C3orf49: variants seen among roughly 807,000 people sequenced by gnomAD.
The protein encoded by C3orf49 is putative uncharacterized protein C3orf49.
In C3orf49, 27 loss-of-function variants were observed where a neutral mutation model predicts 13.3. The ratio of observed to expected loss-of-function variants is 2.02; its 90% CI spans 1.49 to 2.79. The LOEUF (loss-of-function observed/expected upper bound fraction) is 2.79, where lower values mean the gene tolerates loss of function less well. Ranked by LOEUF, C3orf49 falls within the 30% of genes most tolerant of loss-of-function variation. The pLI, the probability that C3orf49 is intolerant of heterozygous loss-of-function variation, is 0.00. For missense variants in C3orf49, 242 were observed against 134.2 expected (o/e 1.80, Z -3.97); for synonymous variants, 87 against 47.6 (o/e 1.83, Z -3.40).
the C3orf49 span, among the ~76,000 whole-genome samples, chr3:63,792,844 C>A: frequency 3.3e-5 from 5 of 152,172 alleles, no homozygotes; most frequent in African/African-American, 1.2e-4. Context: ...GGTAATCTCA[C>A]CTTTTTAATA....
At chr3:63,846,269 A>G in intron 6 of C3orf49, 1 of 440,546 alleles carries the variant, frequency 2.3e-6, no homozygotes, top group South Asian at 1.6e-5. Flanking sequence ...CTGAAAAATC[A>G]GGAGATAATC....
the C3orf49 span, chr3:63,787,099 A>C: frequency 1.3e-5 from 2 of 152,236 alleles, no homozygotes; most frequent in African/African-American, 2.4e-5. Flanking sequence ...TTTTGGAGAA[A>C]TGAGTGACCT....
chr3:63,785,817 A>G, the C3orf49 span, among the ~76,000 whole-genome samples: 1 of 152,130 alleles, frequency 6.6e-6, no homozygotes, highest in African/African-American at 2.4e-5. Flanking sequence ...CCACCATGCA[A>G]CTATCTGTTA....
At chr3:63,810,390 A>T in the C3orf49 span, among the ~76,000 whole-genome samples, 1 of 152,188 alleles carries the variant, frequency 6.6e-6, no homozygotes, top group Admixed American at 6.5e-5. Context: ...TATGCTCAGT[A>T]CTAAGAACAG....
chr3:63,786,982 C>G, the C3orf49 span: 2 of 152,184 alleles, frequency 1.3e-5, no homozygotes, highest in Non-Finnish European at 2.9e-5. Context: ...GAATTAATAT[C>G]AAGAGTTCAT....
At chr3:63,823,835 CTA>C in intron 2 of C3orf49, among the ~76,000 whole-genome samples, 1 of 151,392 alleles carries the variant, frequency 6.6e-6, no homozygotes, top group East Asian at 2.0e-4. Flanking sequence ...GAATCTCGCT[CTA>C]TCACCCAGGC....
the C3orf49 span, among the ~76,000 whole-genome samples, chr3:63,795,640 A>G: frequency 6.6e-6 from 1 of 152,134 alleles, no homozygotes; most frequent in African/African-American, 2.4e-5. Context: ...ATTTGGTTCC[A>G]GGCTGTAAAC....
chr3:63,784,344 T>C, the C3orf49 span, among the ~76,000 whole-genome samples: 22 of 152,178 alleles, frequency 1.4e-4, no homozygotes, highest in Admixed American at 1.4e-3. Context: ...TTCCATGAGA[T>C]ACACCAGGCC....
At position 63,823,531 on chromosome 3, in the gene C3orf49, A is replaced by C. The variant is rs1701426172; in HGVS notation, c.407A>C (p.Lys136Thr). The change falls in exon 2 of 7, where the codon AAG becomes ACG. Residue 136 changes from lysine (K) to threonine (T), a missense_variant. Physicochemically the swap from Lys to Thr is moderately conservative, Grantham distance 78. Transcript: ENST00000295896. ...ATTGTCAAGGAGTTTTCATCTCCCA[A>C]GTTATTTACAGCAAAAATGAGAAAG... ...PRIVKEFSSP[K>T]LFTAKMRKLS... The C allele has an allele frequency of 1.4e-6, 1 of 700,310 alleles. No individual in the cohort carries two copies. Among genetic ancestry groups the C allele is most frequent in the South Asian group, 1.5e-5 (1 of 67,010 alleles). The allele number at this position is 700,310 out of a possible 1,614,324, so 43.4% of individuals were successfully genotyped here. A position where few individuals can be genotyped will look rare whatever the true frequency, so the allele number is the denominator to read the frequency against.
chr3:63,788,593 TG>T, the C3orf49 span, among the ~76,000 whole-genome samples: 1 of 151,934 alleles, frequency 6.6e-6, no homozygotes, highest in African/African-American at 2.4e-5. Context: ...CCTGAGAACT[TG>T]CAACATTGGA....
intron 5 of C3orf49, among the ~76,000 whole-genome samples, chr3:63,843,359 C>A (rs572873511): frequency 6.6e-6 from 1 of 151,632 alleles, no homozygotes; most frequent in South Asian, 2.1e-4. Context: ...CTCAAATGAT[C>A]CGCCTACCTC....
intron 2 of C3orf49, 174 bp from the exon 3 acceptor site, chr3:63,827,427 G>A: frequency 3.8e-6 from 2 of 532,656 alleles, no homozygotes; most frequent in Non-Finnish European, 3.3e-6. Context: ...AATGCGTGCA[G>A]GAGAAAGTGT....
intron 5 of C3orf49, among the ~76,000 whole-genome samples, chr3:63,834,831 C>A (rs1234864136): frequency 6.6e-6 from 1 of 152,042 alleles, no homozygotes; most frequent in Non-Finnish European, 1.5e-5. Flanking sequence ...GTACTGATTT[C>A]TTATTATTGC....
rs1701483233 is a variant in C3orf49, at chr3:63,827,693, T to C, written c.538T>C (p.Ser180Pro). The C allele has an allele frequency of 1.4e-6, 1 of 702,986 alleles. No individual in the cohort carries two copies. The highest frequency in any genetic ancestry group is 2.6e-6 in the Non-Finnish European group (1 of 385,038). The allele number at this position is 702,986 out of a possible 1,614,324, so 43.5% of individuals were successfully genotyped here. A position where few individuals can be genotyped will look rare whatever the true frequency, so the allele number is the denominator to read the frequency against. ...LRARRTTKRL[S>P]VTSLPSGLQK... ...GGCCAGGAGAACCACCAAGCGGTTA[T>C]CTGTGACATCTCTTCCTTCAGGACT... Residue 180 changes from serine to proline, a missense_variant, in exon 3 of 7, where the codon TCT becomes CCT. By Grantham distance (74) the Ser-to-Pro change is moderately conservative. Transcript: ENST00000295896.
chr3:63,848,222 T>C (rs991405020), intron 6 of C3orf49, 142 bp from the exon 7 acceptor site: 1 of 152,164 alleles, frequency 6.6e-6, no homozygotes, highest in Non-Finnish European at 1.5e-5. Flanking sequence ...AGATTAAGAG[T>C]CTGGCACCTT....
At chr3:63,836,246 T>A (rs1700365413) in intron 5 of C3orf49, 11 of 1,544,954 alleles carry the variant, frequency 7.1e-6, no homozygotes, top group Non-Finnish European at 9.7e-6. Context: ...TACGGTAGTT[T>A]TCGAGCATTT....
intron 5 of C3orf49, chr3:63,833,717 T>G (rs1559600957): frequency 6.1e-6 from 1 of 164,484 alleles, no homozygotes; most frequent in Non-Finnish European, 1.3e-5. Context: ...CTTCATAGAC[T>G]CCGTTTTCAG....
At chr3:63,803,073 G>T in the C3orf49 span, among the ~76,000 whole-genome samples, 4 of 152,174 alleles carry the variant, frequency 2.6e-5, no homozygotes, top group South Asian at 6.2e-4. Flanking sequence ...GGTTTGGCAA[G>T]GATATTCAAA....
At chr3:63,828,912 T>C (rs1319973795) in intron 3 of C3orf49, among the ~76,000 whole-genome samples, 1 of 152,220 alleles carries the variant, frequency 6.6e-6, no homozygotes, top group Non-Finnish European at 1.5e-5. Flanking sequence ...CTAACTGTAC[T>C]GTCCAATATG....
Sources: allele counts gnomAD v4.1 joint callset (sites outside exome capture counted in the v4.1 genomes callset), GRCh38; gene constraint gnomAD v4.1.1; transcripts MANE v1.5; gene names NCBI Gene and HGNC (gene_info 2026-07-23, HGNC 2026-07-21).